The following SUPT3H variants were observed in gnomAD, a reference collection of about 807,000 sequenced individuals.
The protein encoded by SUPT3H is transcription initiation protein SPT3 homolog.
Under a neutral mutation model 44.3 loss-of-function variants are expected in SUPT3H, and 44 were observed. The observed-to-expected ratio is 0.99, with a 90% confidence interval of 0.78 to 1.28. The LOEUF (loss-of-function observed/expected upper bound fraction) is 1.28, where lower values mean the gene tolerates loss of function less well. Among genes scored for constraint, SUPT3H ranks in the 50% most tolerant of loss-of-function variants. SUPT3H has a pLI of 0.00. For missense variants in SUPT3H, 380 were observed against 387.1 expected, an observed-to-expected ratio of 0.98 and a Z score of 0.15; for synonymous variants, 124 against 125.6, an observed-to-expected ratio of 0.99 and a Z score of 0.09.
At chr6:45,105,098 A>G (rs2153570846) in intron 3 of SUPT3H, among the ~76,000 whole-genome samples, 1 of 152,116 alleles carries the variant, frequency 6.6e-6, no homozygotes, top group South Asian at 2.1e-4. Flanking sequence ...AACGAGAAAC[A>G]GATACCTATA....
intron 3 of SUPT3H, among the ~76,000 whole-genome samples, chr6:45,047,468 G>A (rs1789579427): frequency 6.6e-6 from 1 of 152,112 alleles, no homozygotes. Flanking sequence ...AAATAAGCAA[G>A]AATTGGACTG....
At chr6:45,312,114 A>C (rs766580800) in intron 2 of SUPT3H, among the ~76,000 whole-genome samples, 3 of 152,150 alleles carry the variant, frequency 2.0e-5, no homozygotes, top group Non-Finnish European at 4.4e-5. Flanking sequence ...ACATAAACTT[A>C]AAGGGGTAGT....
intron 5 of SUPT3H, among the ~76,000 whole-genome samples, chr6:45,006,132 T>C (rs1782683320): frequency 6.6e-6 from 1 of 152,126 alleles, no homozygotes; most frequent in Non-Finnish European, 1.5e-5. Flanking sequence ...TGCATGATGC[T>C]AATATTGCCA....
chr6:45,082,398 A>G (rs1414664182), intron 3 of SUPT3H, among the ~76,000 whole-genome samples: 1 of 152,214 alleles, frequency 6.6e-6, no homozygotes, highest in Non-Finnish European at 1.5e-5. Context: ...AAAATCATTA[A>G]CAAAATACTA....
At chr6:44,956,876 A>G (rs1775300611) in intron 7 of SUPT3H, among the ~76,000 whole-genome samples, 2 of 152,222 alleles carry the variant, frequency 1.3e-5, no homozygotes, top group Non-Finnish European at 1.5e-5. Context: ...ACAAATGCTT[A>G]TAATTTCTTA....
At chr6:45,294,798 GACCTCT>G (rs1256220967) in intron 2 of SUPT3H, among the ~76,000 whole-genome samples, 4 of 96,224 alleles carry the variant, frequency 4.2e-5, no homozygotes, top group African/African-American at 8.5e-5. Context: ...GGAGGTGAAA[GACCTCT>G]ACAAGGGAAA....
intron 2 of SUPT3H, among the ~76,000 whole-genome samples, chr6:45,312,684 G>C (rs1359364758): frequency 2.2e-4 from 3 of 13,514 alleles, no homozygotes; most frequent in Non-Finnish European, 3.5e-4. Context: ...CAATAATGTG[G>C]GGGGGGGGGG....
intron 10 of SUPT3H, among the ~76,000 whole-genome samples, chr6:44,852,818 T>C (rs1169241304): frequency 6.6e-6 from 1 of 152,208 alleles, no homozygotes; most frequent in African/African-American, 2.4e-5. Context: ...TCTTCCATAG[T>C]TGTCGCTGTT....
At chr6:44,898,367 G>A (rs1444291657) in intron 10 of SUPT3H, among the ~76,000 whole-genome samples, 1 of 152,174 alleles carries the variant, frequency 6.6e-6, no homozygotes, top group African/African-American at 2.4e-5. Flanking sequence ...GCTTGCTCTG[G>A]AGTAAGCCAG....
intron 2 of SUPT3H, among the ~76,000 whole-genome samples, chr6:45,306,706 G>A (rs571465878): frequency 2.6e-4 from 39 of 152,298 alleles, no homozygotes; most frequent in Non-Finnish European, 2.8e-4. Flanking sequence ...CTCCCAGCAT[G>A]AGCGACACAG....
chr6:45,243,197 C>CAAAAAAAA (rs61643038), intron 2 of SUPT3H, among the ~76,000 whole-genome samples: 14 of 72,552 alleles, frequency 1.9e-4, no homozygotes, highest in South Asian at 6.4e-4. Context: ...GACTCCTTCT[C>CAAAAAAAA]AAAAAAAAAA....
chr6:44,889,156 A>C lies in SUPT3H; in HGVS notation c.912+43497T>G, dbSNP rs188589347. On this transcript the variant is annotated intron_variant, in intron 10 of 10. Transcript: ENST00000371459. ...GGAATAACATTCCATGCTCATGGGT[A>C]GGAAGAATCAATATTGTGAAAATGG... Among the ~76,000 whole-genome samples the C allele has an allele frequency of 1.6e-3, 247 of 152,220 alleles. 2 individuals are homozygous for C. The highest frequency in any genetic ancestry group is 5.6e-3 in the African/African-American group (233 of 41,516).
intron 2 of SUPT3H, among the ~76,000 whole-genome samples, chr6:45,141,459 T>C (rs1805200602): frequency 7.0e-6 from 1 of 143,706 alleles, no homozygotes; most frequent in Non-Finnish European, 1.5e-5. Context: ...AAGTACAGCA[T>C]ATAGATGAAA....
At chr6:45,102,108 GAAAAC>G (rs989115326) in intron 3 of SUPT3H, among the ~76,000 whole-genome samples, 4 of 151,638 alleles carry the variant, frequency 2.6e-5, no homozygotes, top group Non-Finnish European at 4.4e-5. Flanking sequence ...ACTGAAAAAA[GAAAAC>G]AAAACAGATT....
chr6:44,918,928 C>T lies in SUPT3H; in HGVS notation c.912+13725G>A, dbSNP rs1475310055. 3.3e-5 allele frequency among the ~76,000 whole-genome samples: 5 copies of T among 152,178 alleles called. No individual in the cohort carries two copies. The East Asian group carries it at 7.8e-4, about 24-fold the overall frequency. On this transcript the variant is annotated intron_variant, in intron 10 of 10. Transcript: ENST00000371459. ...AGGAGGGACACTTAGCAGGGAAGGGCAAAAATGCCTGAAATTGAGCCTGAG... is the reference window on the plus strand; with the variant it reads ...AGGAGGGACACTTAGCAGGGAAGGGTAAAAATGCCTGAAATTGAGCCTGAG...
At chr6:45,156,173 G>C (rs540668737) in intron 2 of SUPT3H, among the ~76,000 whole-genome samples, 1 of 152,124 alleles carries the variant, frequency 6.6e-6, no homozygotes, top group Non-Finnish European at 1.5e-5. Context: ...AACATTTTAA[G>C]CATGAGCATA....
chr6:44,856,434 C>A (rs1773738826), intron 10 of SUPT3H, among the ~76,000 whole-genome samples: 1 of 152,142 alleles, frequency 6.6e-6, no homozygotes. Flanking sequence ...TTCTTCAATG[C>A]TAGAAAATCA....
chr6:44,812,352 G>A (rs541923664), intron 11 of SUPT3H, among the ~76,000 whole-genome samples: 2 of 152,256 alleles, frequency 1.3e-5, no homozygotes, highest in South Asian at 2.1e-4. Context: ...CATTCTAGGA[G>A]GCCATCATAT....
intron 6 of SUPT3H, among the ~76,000 whole-genome samples, chr6:44,985,212 T>TACATAAATAAAATA (rs1554195417): frequency 5.3e-5 from 6 of 113,604 alleles, no homozygotes; most frequent in African/African-American, 2.1e-4. Flanking sequence ...AATAAATAAA[T>TACATAAATAAAATA]AAATAAAATA....
Sources: allele counts gnomAD v4.1 joint callset (sites outside exome capture counted in the v4.1 genomes callset), GRCh38; gene constraint gnomAD v4.1.1; transcripts MANE v1.5; gene names NCBI Gene and HGNC (gene_info 2026-07-23, HGNC 2026-07-21).